ENOX1: variants seen among roughly 807,000 people sequenced by gnomAD.
The protein encoded by ENOX1 is ecto-NOX disulfide-thiol exchanger 1, also known as candidate growth-related and time keeping constitutive hydroquinone (NADH) oxidase.
ENOX1 carries 42 observed loss-of-function variants against 82.5 expected under a neutral mutation model. The ratio of observed to expected loss-of-function variants is 0.51; its 90% CI spans 0.40 to 0.66. ENOX1 has a LOEUF of 0.66. Among genes scored for constraint, ENOX1 ranks in the 30% least tolerant of loss-of-function variants. The probability of loss-of-function intolerance (pLI) is 0.00; values close to 1 mark genes in which losing one functional copy is unlikely to be tolerated. For missense variants in ENOX1, 608 were observed against 811.6 expected (o/e 0.75, Z 3.05); for synonymous variants, 271 against 282.2 (o/e 0.96, Z 0.40).
chr13:43,501,898 G>A (rs75509950), intron 2 of ENOX1, among the ~76,000 whole-genome samples: 1 of 150,048 alleles, frequency 6.7e-6, no homozygotes, highest in Non-Finnish European at 1.5e-5. Context: ...TTAAACGTTA[G>A]AACAGAAATA....
chr13:43,314,013 G>A (rs889263985), intron 11 of ENOX1, among the ~76,000 whole-genome samples: 3 of 152,112 alleles, frequency 2.0e-5, no homozygotes, highest in Non-Finnish European at 4.4e-5. Context: ...ATGCCCTGCC[G>A]GAAATGCTAC....
chr13:43,637,142 T>C (rs11841430), intron 2 of ENOX1, among the ~76,000 whole-genome samples: 3,517 of 152,260 alleles, frequency 0.023, 138 homozygotes, highest in African/African-American at 0.08. Context: ...ACCTTTCAAA[T>C]GGTTCTGACT....
chr13:43,266,909 G>C (rs1004452582), intron 13 of ENOX1, among the ~76,000 whole-genome samples: 14 of 152,172 alleles, frequency 9.2e-5, no homozygotes, highest in African/African-American at 3.1e-4. Context: ...TTTTGTGAAT[G>C]TCTGTTCCAC....
chr13:43,366,480 G>A (rs951072652), intron 5 of ENOX1, among the ~76,000 whole-genome samples: 13 of 152,286 alleles, frequency 8.5e-5, no homozygotes, highest in Admixed American at 4.6e-4. Context: ...GTTTCACCGT[G>A]TTAGCCAGGA....
At chr13:43,262,827 T>G (rs936380051) in intron 14 of ENOX1, among the ~76,000 whole-genome samples, 1 of 152,216 alleles carries the variant, frequency 6.6e-6, no homozygotes, top group Non-Finnish European at 1.5e-5. Flanking sequence ...TTGTTGAGTA[T>G]GTACTCTAGG....
intron 11 of ENOX1, among the ~76,000 whole-genome samples, chr13:43,314,763 T>C (rs1003201347): frequency 6.6e-6 from 1 of 152,236 alleles, no homozygotes; most frequent in Non-Finnish European, 1.5e-5. Context: ...CACTACCAAC[T>C]GGCCTACATA....
At chr13:43,651,249 A>G (rs916940404) in intron 2 of ENOX1, among the ~76,000 whole-genome samples, 5 of 152,170 alleles carry the variant, frequency 3.3e-5, no homozygotes, top group African/African-American at 7.2e-5. Context: ...GAAGAGGAAG[A>G]AAAAGGAAGA....
At chr13:43,721,880 A>G (rs893415487) in intron 1 of ENOX1, among the ~76,000 whole-genome samples, 19 of 152,280 alleles carry the variant, frequency 1.2e-4, no homozygotes, top group Non-Finnish European at 2.4e-4. Context: ...AGTGCTCAGT[A>G]AACACTTGTT....
intron 2 of ENOX1, among the ~76,000 whole-genome samples, chr13:43,594,343 T>A (rs1032575308): frequency 1.3e-5 from 2 of 152,238 alleles, no homozygotes; most frequent in Non-Finnish European, 2.9e-5. Flanking sequence ...TCTGTACACA[T>A]ACATACAATT....
At chr13:43,431,253 G>C (rs778931862) in intron 3 of ENOX1, among the ~76,000 whole-genome samples, 5 of 152,112 alleles carry the variant, frequency 3.3e-5, no homozygotes, top group Non-Finnish European at 7.4e-5. Flanking sequence ...ATTTCCTAAA[G>C]CTGCTTCTTC....
intron 11 of ENOX1, among the ~76,000 whole-genome samples, chr13:43,315,732 C>T (rs1024447511): frequency 1.3e-5 from 2 of 152,122 alleles, no homozygotes; most frequent in South Asian, 2.1e-4. Context: ...TCTGCTAAGA[C>T]GTTAGGTTGC....
intron 2 of ENOX1, among the ~76,000 whole-genome samples, chr13:43,484,736 T>C (rs9594953): frequency 0.2 from 31,079 of 152,216 alleles, 3,661 homozygotes; most frequent in Middle Eastern, 0.28. Flanking sequence ...ACTAAATTAA[T>C]TCAAATATTA....
chr13:43,255,041 T>C (rs2043667295), intron 14 of ENOX1, among the ~76,000 whole-genome samples: 1 of 151,358 alleles, frequency 6.6e-6, no homozygotes, highest in African/African-American at 2.4e-5. Context: ...ATGCAAAAAA[T>C]CCTCAACAAA....
chr13:43,414,679 A>T (rs1244731797), intron 3 of ENOX1, among the ~76,000 whole-genome samples: 1 of 152,162 alleles, frequency 6.6e-6, no homozygotes, highest in Non-Finnish European at 1.5e-5. Flanking sequence ...CTTTTGTTCA[A>T]ATGGCCCTGT....
intron 16 of ENOX1, among the ~76,000 whole-genome samples, chr13:43,215,996 G>A (rs977555842): frequency 8.5e-5 from 13 of 152,072 alleles, no homozygotes; most frequent in African/African-American, 3.1e-4. Flanking sequence ...GGAGATCGAG[G>A]CCATCTTGGC....
At chr13:43,625,205 A>G (rs949914429) in intron 2 of ENOX1, among the ~76,000 whole-genome samples, 1 of 152,008 alleles carries the variant, frequency 6.6e-6, no homozygotes, top group Non-Finnish European at 1.5e-5. Flanking sequence ...ACTGGCTTTT[A>G]TATGTTCAGC....
At chr13:43,391,856 T>A (rs77508880) in intron 5 of ENOX1, among the ~76,000 whole-genome samples, 5,650 of 152,272 alleles carry the variant, frequency 0.037, 145 homozygotes, top group South Asian at 0.091. Context: ...ATCCCTCTGT[T>A]TCAGGGAATG....
At chr13:43,723,199 C>G (rs1471934905) in intron 1 of ENOX1, among the ~76,000 whole-genome samples, 1 of 152,092 alleles carries the variant, frequency 6.6e-6, no homozygotes, top group Non-Finnish European at 1.5e-5. Context: ...TGAAGATATA[C>G]TATATAGCTT....
chr13:43,413,077 A>T lies in ENOX1; in HGVS notation c.-74-89T>A, dbSNP rs10047733. 9.2e-3 allele frequency: 11,820 copies of T among 1,290,438 alleles called. 935 individuals carry two copies. In the African/African-American group the frequency reaches 0.16, roughly 18 times the overall value. 79.9% of individuals were successfully genotyped at this position (1,290,438 alleles called of 1,614,324 possible). ...AACAAACTGTTATCTATTCAAAATC[A>T]AAAACAAAGACCGATTTCCAGTCTC... On this transcript the variant is annotated intron_variant, in intron 3 of 16. Coordinates refer to ENST00000690772, the MANE Select transcript of ENOX1 (RefSeq NM_001347969.2).
Sources: allele counts gnomAD v4.1 joint callset (sites outside exome capture counted in the v4.1 genomes callset), GRCh38; gene constraint gnomAD v4.1.1; transcripts MANE v1.5; gene names NCBI Gene and HGNC (gene_info 2026-07-23, HGNC 2026-07-21).